Variants in ZNF638 observed in about 807,000 individuals in gnomAD.
The protein encoded by ZNF638 is CTCL tumor antigen se33-1.
ZNF638 carries 46 observed loss-of-function variants against 195.6 expected under a neutral mutation model. That is an observed-to-expected ratio of 0.24 (90% CI 0.19 to 0.30). The LOEUF is 0.30. Among genes scored for constraint, ZNF638 ranks in the 10% least tolerant of loss-of-function variants. The probability of loss-of-function intolerance (pLI) is 1.00; values close to 1 mark genes in which losing one functional copy is unlikely to be tolerated. For synonymous variants in ZNF638, 845 were observed against 772.0 expected (o/e 1.09, Z -1.57); for missense variants, 2,440 against 2,325.3 (o/e 1.05, Z -1.01).
intron 10 of ZNF638, among the ~76,000 whole-genome samples, chr2:71,383,408 A>G (rs1017934775): frequency 2.0e-5 from 3 of 152,182 alleles, no homozygotes; most frequent in Admixed American, 6.5e-5. Context: ...TTTGAACGCA[A>G]AACTTTATGA....
At chr2:71,419,498 T>C (rs565352047) in intron 21 of ZNF638, among the ~76,000 whole-genome samples, 2 of 152,336 alleles carry the variant, frequency 1.3e-5, no homozygotes, top group Admixed American at 1.3e-4. Flanking sequence ...TCTCAGTAAT[T>C]TTTATAAAAT....
chr2:71,401,894 A>T, intron 15 of ZNF638, 62 bp from the exon 16 acceptor site: 1 of 1,421,894 alleles, frequency 7.0e-7, no homozygotes, highest in Non-Finnish European at 9.5e-7. Flanking sequence ...TACACAGTAT[A>T]AACTTAAGTA....
At chr2:71,354,877 C>T (rs2078998777) in intron 2 of ZNF638, among the ~76,000 whole-genome samples, 1 of 152,090 alleles carries the variant, frequency 6.6e-6, no homozygotes, top group Admixed American at 6.5e-5. Context: ...CATTTTTCCC[C>T]ATGTTTTTCC....
intron 10 of ZNF638, 110 bp from the exon 11 acceptor site, chr2:71,396,031 G>T: frequency 2.2e-6 from 2 of 906,888 alleles, no homozygotes; most frequent in African/African-American, 1.7e-5. Context: ...GATGAGTATA[G>T]GGCTGTTTCT....
intron 21 of ZNF638, among the ~76,000 whole-genome samples, chr2:71,421,866 C>T (rs939429941): frequency 2.6e-5 from 4 of 151,982 alleles, no homozygotes; most frequent in Admixed American, 6.6e-5. Context: ...TTCAAGAAAA[C>T]CTCTGATTTG....
intron 3 of ZNF638, 31 bp from the exon 4 acceptor site, chr2:71,363,122 T>A: frequency 6.5e-7 from 1 of 1,538,198 alleles, no homozygotes; most frequent in Non-Finnish European, 8.9e-7. Flanking sequence ...TGATTTTAGC[T>A]GTTAGTTAAT....
At chr2:71,371,618 G>A (rs1248908159) in intron 8 of ZNF638, among the ~76,000 whole-genome samples, 1 of 151,758 alleles carries the variant, frequency 6.6e-6, no homozygotes, top group African/African-American at 2.4e-5. Flanking sequence ...GTACCTTTTC[G>A]TGTGCCTTTT....
chr2:71,396,619 A>G (rs2079899460), intron 11 of ZNF638, among the ~76,000 whole-genome samples: 1 of 152,174 alleles, frequency 6.6e-6, no homozygotes, highest in Non-Finnish European at 1.5e-5. Context: ...ATTCAGGGTC[A>G]TCTCTTTAAG....
intron 23 of ZNF638, among the ~76,000 whole-genome samples, chr2:71,425,328 G>A (rs1379759911): frequency 6.6e-6 from 1 of 152,016 alleles, no homozygotes; most frequent in Admixed American, 6.6e-5. Flanking sequence ...AAGGATTATG[G>A]CTACTAAAGC....
chr2:71,352,349 G>A (rs1219797957), intron 2 of ZNF638, among the ~76,000 whole-genome samples: 5 of 151,858 alleles, frequency 3.3e-5, no homozygotes, highest in Non-Finnish European at 5.9e-5. Flanking sequence ...GTGGTCATGC[G>A]CACCTGTAAT....
chr2:71,344,397 G>C (rs2078817287), intron 1 of ZNF638, among the ~76,000 whole-genome samples: 1 of 152,184 alleles, frequency 6.6e-6, no homozygotes, highest in Non-Finnish European at 1.5e-5. Flanking sequence ...AGCATGAAAA[G>C]GGAAGTTTTC....
intron 1 of ZNF638, among the ~76,000 whole-genome samples, chr2:71,344,962 A>G (rs1478255836): frequency 1.3e-5 from 2 of 152,204 alleles, no homozygotes; most frequent in Non-Finnish European, 1.5e-5. Flanking sequence ...AAATTGTGCA[A>G]ATGAAATATG....
intron 21 of ZNF638, among the ~76,000 whole-genome samples, chr2:71,419,514 T>G (rs1353429562): frequency 6.6e-6 from 1 of 152,224 alleles, no homozygotes; most frequent in Non-Finnish European, 1.5e-5. Flanking sequence ...AAAATCAGAT[T>G]ATTTTAGTTG....
At chr2:71,418,908 A>G (rs2080362297) in intron 21 of ZNF638, among the ~76,000 whole-genome samples, 2 of 152,220 alleles carry the variant, frequency 1.3e-5, no homozygotes, top group South Asian at 2.1e-4. Flanking sequence ...AAACCACTTT[A>G]TAAAATGTTT....
intron 1 of ZNF638, among the ~76,000 whole-genome samples, chr2:71,348,075 T>C (rs927331114): frequency 6.6e-6 from 1 of 152,238 alleles, no homozygotes; most frequent in African/African-American, 2.4e-5. Flanking sequence ...CCATACTGCG[T>C]CTATGGATGG....
Position 71,350,067 on chromosome 2 carries a change from G to T in ZNF638, c.1113G>T (p.Lys371Asn). 1 of 1,614,168 alleles carries T rather than the reference G, an allele frequency of 6.2e-7. No homozygotes were observed. The highest frequency in any genetic ancestry group is 8.5e-7 in the Non-Finnish European group (1 of 1,180,030). Residue 371 changes from lysine (K) to asparagine (N), a missense_variant, in exon 2 of 28, where the codon AAG becomes AAT. Transcript: ENST00000264447. ...ATGTTGGATCAAGAGGAAGTAAAAAGAATTACCAGTCACAGGCTGACATTC... is the reference window on the plus strand; with the variant it reads ...ATGTTGGATCAAGAGGAAGTAAAAATAATTACCAGTCACAGGCTGACATTC... ...NVHVGSRGSKKNYQSQADIPI... is the reference protein window; with the variant it reads ...NVHVGSRGSKNNYQSQADIPI...
intron 19 of ZNF638, chr2:71,407,661 T>C (rs2080132576): frequency 6.6e-6 from 1 of 152,460 alleles, no homozygotes; most frequent in Non-Finnish European, 1.5e-5. Flanking sequence ...AACTTTTGTC[T>C]CCTCAAACTG....
At chr2:71,394,013 A>G (rs1319620074) in intron 10 of ZNF638, among the ~76,000 whole-genome samples, 1 of 152,238 alleles carries the variant, frequency 6.6e-6, no homozygotes, top group East Asian at 1.9e-4. Context: ...CAAGGCAATC[A>G]GTGCCACTTT....
At chr2:71,393,336 G>A in intron 10 of ZNF638, 1 of 705,786 alleles carries the variant, frequency 1.4e-6, no homozygotes, top group Non-Finnish European at 2.7e-6. Context: ...GTATGGTGTA[G>A]TCCAAATGAA....
Sources: allele counts gnomAD v4.1 joint callset (sites outside exome capture counted in the v4.1 genomes callset), GRCh38; gene constraint gnomAD v4.1.1; transcripts MANE v1.5; gene names NCBI Gene and HGNC (gene_info 2026-07-23, HGNC 2026-07-21).